DOCK7: variants seen among roughly 807,000 people sequenced by gnomAD.
DOCK7 encodes the protein dedicator of cytokinesis 7.
A neutral mutation model predicts 271.0 loss-of-function variants in DOCK7; 138 were observed. The observed-to-expected ratio is 0.51, with a 90% CI of 0.44 to 0.59. The LOEUF (loss-of-function observed/expected upper bound fraction) is 0.59. Among genes scored for constraint, DOCK7 ranks in the 20% least tolerant of loss-of-function variants. DOCK7 has a pLI of 0.00. For synonymous variants in DOCK7, 823 were observed against 876.1 expected, an observed-to-expected ratio of 0.94 and a Z score of 1.07; for missense variants, 2,066 against 2,592.4, an observed-to-expected ratio of 0.80 and a Z score of 4.41.
chr1:62,622,486 C>T (rs1288961666), intron 12 of DOCK7, among the ~76,000 whole-genome samples: 1 of 152,064 alleles, frequency 6.6e-6, no homozygotes, highest in Non-Finnish European at 1.5e-5. Flanking sequence ...CAAGGCCTCA[C>T]TTTGTCACCC....
intron 37 of DOCK7, among the ~76,000 whole-genome samples, chr1:62,500,739 C>CT (rs1236544203): frequency 6.6e-6 from 1 of 152,082 alleles, no homozygotes; most frequent in Non-Finnish European, 1.5e-5. Flanking sequence ...CTCAAGTACC[C>CT]TTTTTTTCCT....
At chr1:62,509,998 G>A (rs908872006) in intron 34 of DOCK7, among the ~76,000 whole-genome samples, 3 of 152,034 alleles carry the variant, frequency 2.0e-5, no homozygotes, top group Admixed American at 1.3e-4. Context: ...AGCTACTTGC[G>A]GGCTAACTTA....
chr1:62,568,512 C>T (rs1008680198), intron 18 of DOCK7, among the ~76,000 whole-genome samples: 2 of 147,744 alleles, frequency 1.4e-5, no homozygotes, highest in East Asian at 2.0e-4. Context: ...ACCATGTTGG[C>T]CAGGCTGGTC....
chr1:62,470,861 C>A (rs938220664), intron 48 of DOCK7, among the ~76,000 whole-genome samples: 13 of 149,732 alleles, frequency 8.7e-5, no homozygotes, highest in Non-Finnish European at 1.3e-4. Flanking sequence ...CTATGGAAAT[C>A]AAAAAAAAAA....
At chr1:62,673,232 C>T (rs1171658977) in intron 1 of DOCK7, among the ~76,000 whole-genome samples, 22 of 152,064 alleles carry the variant, frequency 1.4e-4, no homozygotes, top group Admixed American at 1.4e-3. Flanking sequence ...TTAAAATATA[C>T]CTCCTTTTCT....
intron 9 of DOCK7, 112 bp downstream of exon 9, chr1:62,634,661 A>G (rs1655033486): frequency 8.7e-7 from 1 of 1,143,642 alleles, no homozygotes; most frequent in South Asian, 1.5e-5. Flanking sequence ...AAGAATATCA[A>G]GATGAAAAAA....
chr1:62,619,819 A>AG, intron 13 of DOCK7, 81 bp downstream of exon 13: 1 of 881,122 alleles, frequency 1.1e-6, no homozygotes, highest in Non-Finnish European at 1.7e-6. Flanking sequence ...AAATAAAAAA[A>AG]AAAGATACAT....
intron 14 of DOCK7, among the ~76,000 whole-genome samples, chr1:62,591,742 T>C (rs1341157801): frequency 6.6e-6 from 1 of 152,198 alleles, no homozygotes; most frequent in Non-Finnish European, 1.5e-5. Flanking sequence ...ATCTTTCAAA[T>C]ACAGGAAAGC....
chr1:62,479,264 G>C (rs1232112864), intron 43 of DOCK7, among the ~76,000 whole-genome samples: 1 of 107,708 alleles, frequency 9.3e-6, no homozygotes. Flanking sequence ...TAATTTACCA[G>C]TTTTATAATA....
intron 7 of DOCK7, among the ~76,000 whole-genome samples, chr1:62,643,103 G>C (rs1042194803): frequency 6.6e-6 from 1 of 151,306 alleles, no homozygotes; most frequent in Non-Finnish European, 1.5e-5. Context: ...CTGGACAATG[G>C]GAAAAGCATA....
chr1:62,638,124 T>C (rs888545804), intron 7 of DOCK7, among the ~76,000 whole-genome samples: 4 of 152,166 alleles, frequency 2.6e-5, no homozygotes, highest in Non-Finnish European at 5.9e-5. Flanking sequence ...TCACTGACCA[T>C]TGGGATATTT....
chr1:62,580,548 A>C (rs1056914276), intron 16 of DOCK7, among the ~76,000 whole-genome samples: 14 of 152,214 alleles, frequency 9.2e-5, no homozygotes, highest in South Asian at 2.1e-4. Flanking sequence ...TGTCCTAAAA[A>C]TCATGTAATG....
chr1:62,467,743 T>A (rs1434036829), intron 48 of DOCK7, among the ~76,000 whole-genome samples: 2 of 152,154 alleles, frequency 1.3e-5, no homozygotes, highest in African/African-American at 4.8e-5. Context: ...TAATCCTTCC[T>A]AAATCATTCT....
intron 5 of DOCK7, 47 bp from the exon 6 acceptor site, chr1:62,648,365 C>T: frequency 7.0e-7 from 1 of 1,428,100 alleles, no homozygotes; most frequent in Non-Finnish European, 9.2e-7. Flanking sequence ...AATAAATTGA[C>T]AACTATTTTT....
At chr1:62,688,130 C>T in intron 1 of DOCK7, 97 bp downstream of exon 1, 2 of 1,195,896 alleles carry the variant, frequency 1.7e-6, no homozygotes, top group Non-Finnish European at 2.1e-6. Context: ...CCGGTGCCGG[C>T]CCCGCCACAC....
chr1:62,593,714 A>G (rs1648803847), intron 14 of DOCK7, among the ~76,000 whole-genome samples: 1 of 127,922 alleles, frequency 7.8e-6, no homozygotes, highest in Non-Finnish European at 1.7e-5. Flanking sequence ...AGCTCACTTA[A>G]CCTCTGGATC....
At chr1:62,535,348 A>G (rs181614551) in intron 29 of DOCK7, 145 bp downstream of exon 29, 202 of 637,634 alleles carry the variant, frequency 3.2e-4, no homozygotes, top group Middle Eastern at 8.4e-4. Flanking sequence ...GATAAATAAT[A>G]TAAGTGAGAA....
rs1031270793 is a variant in DOCK7 at position 62,488,602 on chromosome 1, A to G, written c.5493+332T>C. On this transcript the variant is annotated intron_variant, in intron 42 of 49. Coordinates refer to ENST00000635253, the MANE Select transcript of DOCK7 (RefSeq NM_001367561.1). The stretch of plus-strand genomic sequence containing the variant: ...AAAAACTTCATTTTCACAGCAAAGG[A>G]ATAGGTATCAATTTTAAAATGAGAT... The G allele has an allele frequency of 4.1e-5, 10 of 245,554 alleles. No individual in the cohort carries two copies. In the Admixed American group the frequency reaches 4.8e-4, roughly 12 times the overall value. 15.2% of individuals were successfully genotyped at this position (245,554 alleles called of 1,614,324 possible). A position where few individuals can be genotyped will look rare whatever the true frequency, so the allele number is the denominator to read the frequency against.
intron 48 of DOCK7, among the ~76,000 whole-genome samples, chr1:62,465,789 A>T (rs1156470087): frequency 6.6e-6 from 1 of 152,136 alleles, no homozygotes; most frequent in East Asian, 1.9e-4. Context: ...TGACCTCATG[A>T]TCCACCTGTC....
Sources: gnomAD v4.1 joint callset for allele counts (sites outside exome capture counted in the v4.1 genomes callset) on GRCh38, gnomAD v4.1.1 for gene constraint, MANE v1.5 for transcripts, NCBI Gene and HGNC (gene_info 2026-07-23, HGNC 2026-07-21) for gene names.